The following COL14A1 variants were observed in gnomAD, a reference collection of about 807,000 sequenced individuals.
COL14A1 encodes the protein collagen type XIV alpha 1 chain.
Under a neutral mutation model 230.3 loss-of-function variants are expected in COL14A1, and 136 were observed. That is an observed-to-expected ratio of 0.59 (90% CI 0.51 to 0.68). COL14A1 has a LOEUF of 0.68. Ranked by LOEUF, COL14A1 falls within the 30% of genes least tolerant of loss-of-function variation. The pLI, the probability that COL14A1 is intolerant of heterozygous loss-of-function variation, is 0.00. For synonymous variants in COL14A1, 792 were observed against 784.1 expected, an observed-to-expected ratio of 1.01 and a Z score of -0.17; for missense variants, 1,976 against 2,215.8, an observed-to-expected ratio of 0.89 and a Z score of 2.17.
chr8:120,370,500 A>C, intron 47 of COL14A1: 2 of 1,498,630 alleles, frequency 1.3e-6, no homozygotes, highest in Non-Finnish European at 1.8e-6. Flanking sequence ...CTTCTTCTGC[A>C]TCCCTGCCTT....
At chr8:120,247,168 A>C (rs1354310233) in intron 20 of COL14A1, among the ~76,000 whole-genome samples, 1 of 152,244 alleles carries the variant, frequency 6.6e-6, no homozygotes, top group African/African-American at 2.4e-5. Flanking sequence ...TCACGCCTGT[A>C]ATCCCAGCAC....
intron 45 of COL14A1, among the ~76,000 whole-genome samples, chr8:120,356,650 G>C (rs1428663686): frequency 6.6e-6 from 1 of 151,594 alleles, no homozygotes; most frequent in Non-Finnish European, 1.5e-5. Flanking sequence ...CTATGAAAAA[G>C]TACAGGATAA....
intron 26 of COL14A1, 73 bp downstream of exon 26, chr8:120,270,247 G>T (rs1486431168): frequency 1.1e-5 from 16 of 1,421,840 alleles, no homozygotes; most frequent in Non-Finnish European, 1.5e-5. Flanking sequence ...ACAGCTACTT[G>T]TCAGGGACTA....
chr8:120,203,699 T>C lies in COL14A1; in HGVS notation c.878-10T>C. On this transcript the variant is annotated splice_polypyrimidine_tract_variant and intron_variant, in intron 8 of 47. Transcript: ENST00000297848. ...AAAGTCACCATTCTCTTTTTTGTCC[T>C]CTGTGTAAGGGGTGAAAAACGCGGA... is the stretch of plus-strand genomic sequence containing the variant. 1 of 1,612,880 alleles carries C rather than the reference T, an allele frequency of 6.2e-7. No homozygotes were observed. Among genetic ancestry groups the C allele is most frequent in the African/African-American group, 1.3e-5 (1 of 74,994 alleles).
At chr8:120,324,196 C>T (rs1490995065) in intron 40 of COL14A1, among the ~76,000 whole-genome samples, 1 of 151,604 alleles carries the variant, frequency 6.6e-6, no homozygotes, top group Non-Finnish European at 1.5e-5. Context: ...GTATAAGAAA[C>T]CAGCTCATGT....
intron 6 of COL14A1, among the ~76,000 whole-genome samples, chr8:120,197,380 T>C (rs954623475): frequency 3.3e-5 from 5 of 152,070 alleles, no homozygotes; most frequent in Admixed American, 6.6e-5. Context: ...TGAGCAATAT[T>C]GAGCAATTAC....
chr8:120,186,735 C>T (rs1168201316), intron 5 of COL14A1, among the ~76,000 whole-genome samples: 1 of 152,156 alleles, frequency 6.6e-6, no homozygotes, highest in Non-Finnish European at 1.5e-5. Context: ...CTCTAGTGCC[C>T]TGCTGGAAGT....
intron 4 of COL14A1, 44 bp downstream of exon 4, chr8:120,162,613 C>G: frequency 2.0e-6 from 3 of 1,499,082 alleles, no homozygotes; most frequent in Non-Finnish European, 2.7e-6. Flanking sequence ...GGACTCTGTC[C>G]CAGCCTTGGA....
intron 45 of COL14A1, among the ~76,000 whole-genome samples, chr8:120,354,654 G>A (rs371532674): frequency 1.3e-5 from 2 of 152,034 alleles, no homozygotes; most frequent in Admixed American, 6.6e-5. Context: ...TTTTTCGTAA[G>A]TTTGTGTGGA....
At chr8:120,199,620 T>G (rs1040553950) in intron 8 of COL14A1, 54 bp downstream of exon 8, 7 of 1,527,004 alleles carry the variant, frequency 4.6e-6, no homozygotes, top group Admixed American at 4.1e-5. Flanking sequence ...CACAACCACT[T>G]AAAACAATAT....
chr8:120,221,223 C>T (rs1021172149), intron 14 of COL14A1, among the ~76,000 whole-genome samples: 3 of 152,162 alleles, frequency 2.0e-5, no homozygotes, highest in Non-Finnish European at 4.4e-5. Context: ...CTCATCAGGG[C>T]CCTTTTCTAC....
rs150047679 is a variant in COL14A1 at position 120,126,823 on chromosome 8, A to C, written c.-38+1483A>C. On this transcript the variant is annotated intron_variant, in intron 1 of 47. Transcript: ENST00000297848. ...ATGAATAAATGAATGAATGAACAGC[A>C]TGTGAATATTTGGTTTTTCAGAAGA... 2.0e-5 allele frequency among the ~76,000 whole-genome samples: 3 copies of C among 152,352 alleles called. No individual in the cohort carries two copies. The East Asian group carries it at 5.8e-4, about 29-fold the overall frequency.
At chr8:120,224,903 C>G (rs1221532018) in intron 14 of COL14A1, among the ~76,000 whole-genome samples, 185 bp from the exon 15 acceptor site, 1 of 152,204 alleles carries the variant, frequency 6.6e-6, no homozygotes, top group Non-Finnish European at 1.5e-5. Context: ...CCTGAGAATT[C>G]ACTGATGGGT....
chr8:120,168,365 G>T, intron 5 of COL14A1, 118 bp downstream of exon 5: 3 of 659,608 alleles, frequency 4.5e-6, no homozygotes, highest in East Asian at 2.6e-5. Flanking sequence ...TACGAAGATC[G>T]CCTGTGGCCT....
intron 24 of COL14A1, among the ~76,000 whole-genome samples, chr8:120,264,413 G>A (rs1027024932): frequency 6.6e-6 from 1 of 152,128 alleles, no homozygotes; most frequent in Non-Finnish European, 1.5e-5. Context: ...TGAAGATCTT[G>A]TTCTGCCCCT....
At chr8:120,258,023 G>A (rs1475561758) in intron 23 of COL14A1, among the ~76,000 whole-genome samples, 3 of 152,158 alleles carry the variant, frequency 2.0e-5, no homozygotes, top group Non-Finnish European at 4.4e-5. Context: ...GGCAATAACT[G>A]CAATTTTGCA....
chr8:120,344,635 T>G (rs1232811221), intron 44 of COL14A1, among the ~76,000 whole-genome samples: 1 of 152,218 alleles, frequency 6.6e-6, no homozygotes, highest in Non-Finnish European at 1.5e-5. Flanking sequence ...CTTGAAGAAA[T>G]TGTTACTATT....
intron 2 of COL14A1, among the ~76,000 whole-genome samples, chr8:120,153,704 T>A (rs1450696386): frequency 6.6e-6 from 1 of 152,244 alleles, no homozygotes; most frequent in African/African-American, 2.4e-5. Flanking sequence ...AAATTTTCTC[T>A]GGTCAACTAA....
At chr8:120,276,711 G>A (rs951666425) in intron 26 of COL14A1, among the ~76,000 whole-genome samples, 1 of 151,754 alleles carries the variant, frequency 6.6e-6, no homozygotes, top group African/African-American at 2.4e-5. Flanking sequence ...GGGAGGGATA[G>A]CATTAGGAGA....
Sources: allele counts gnomAD v4.1 joint callset (sites outside exome capture counted in the v4.1 genomes callset), GRCh38; gene constraint gnomAD v4.1.1; transcripts MANE v1.5; gene names NCBI Gene and HGNC (gene_info 2026-07-23, HGNC 2026-07-21).